The following CENPP variants were observed in gnomAD, a reference collection of about 807,000 sequenced individuals.
CENPP encodes centromere protein P.
CENPP carries 24 observed loss-of-function variants against 35.6 expected under a neutral mutation model. That is an observed-to-expected ratio of 0.67 (90% CI 0.49 to 0.95). CENPP has a LOEUF of 0.95. CENPP is among the 40% of genes least tolerant of loss of function. CENPP has a pLI of 0.00. For missense variants in CENPP, 332 were observed against 345.3 expected, an observed-to-expected ratio of 0.96 and a Z score of 0.31; for synonymous variants, 120 against 125.5, an observed-to-expected ratio of 0.96 and a Z score of 0.29.
chr9:92,326,272 C>A (rs1033154636), intron 1 of CENPP, among the ~76,000 whole-genome samples, 167 bp downstream of exon 1: 1 of 152,234 alleles, frequency 6.6e-6, no homozygotes, highest in South Asian at 2.1e-4. Flanking sequence ...GCAGCGCGTA[C>A]GGCGCCCAGC....
At chr9:92,529,624 C>G (rs977544023) in intron 5 of CENPP, among the ~76,000 whole-genome samples, 6 of 151,916 alleles carry the variant, frequency 3.9e-5, no homozygotes, top group African/African-American at 1.5e-4. Flanking sequence ...TTATTCAACA[C>G]CAAAAAGAAA....
chr9:92,367,574 C>G (rs960794491), intron 4 of CENPP, among the ~76,000 whole-genome samples: 3 of 152,066 alleles, frequency 2.0e-5, no homozygotes, highest in African/African-American at 7.2e-5. Flanking sequence ...TATGTTTCTT[C>G]TCACCTAAAA....
chr9:92,355,262 T>A (rs550019865), intron 4 of CENPP, among the ~76,000 whole-genome samples: 2 of 152,008 alleles, frequency 1.3e-5, no homozygotes, highest in Non-Finnish European at 2.9e-5. Flanking sequence ...ATTCCCAGAG[T>A]GGCTGTTTAT....
chr9:92,428,168 C>T (rs937984470), intron 5 of CENPP, among the ~76,000 whole-genome samples: 9 of 152,204 alleles, frequency 5.9e-5, no homozygotes, highest in African/African-American at 2.2e-4. Flanking sequence ...AGCAGAGGCT[C>T]CTGAATTCAT....
At chr9:92,376,410 C>G (rs961496216) in intron 4 of CENPP, among the ~76,000 whole-genome samples, 1 of 152,048 alleles carries the variant, frequency 6.6e-6, no homozygotes, top group Admixed American at 6.6e-5. Flanking sequence ...GTTCATTGTC[C>G]CACAGCCACG....
At chr9:92,367,553 C>A (rs1841916792) in intron 4 of CENPP, among the ~76,000 whole-genome samples, 1 of 152,142 alleles carries the variant, frequency 6.6e-6, no homozygotes, top group South Asian at 2.1e-4. Context: ...CTTGGTCCCA[C>A]AACTGTTTCT....
At chr9:92,508,075 G>T (rs1847111272) in intron 5 of CENPP, among the ~76,000 whole-genome samples, 2 of 152,208 alleles carry the variant, frequency 1.3e-5, no homozygotes, top group South Asian at 4.1e-4. Context: ...CCCCAAGAGA[G>T]ATGACGGGAG....
intron 5 of CENPP, among the ~76,000 whole-genome samples, chr9:92,424,935 C>G (rs1006099474): frequency 1.3e-5 from 2 of 152,184 alleles, no homozygotes; most frequent in African/African-American, 2.4e-5. Context: ...CTCCACCTCC[C>G]AAATTGCTGG....
chr9:92,602,023 A>G (rs769904375), intron 5 of CENPP, among the ~76,000 whole-genome samples: 3 of 152,200 alleles, frequency 2.0e-5, no homozygotes, highest in Non-Finnish European at 4.4e-5. Flanking sequence ...CTTTGATTCT[A>G]GAGCTGGGCA....
chr9:92,352,024 T>C (rs894294748), intron 4 of CENPP, among the ~76,000 whole-genome samples: 21 of 116,236 alleles, frequency 1.8e-4, no homozygotes, highest in African/African-American at 7.3e-4. Flanking sequence ...TTTCTTTTCC[T>C]TTTTTTTTTT....
intron 5 of CENPP, among the ~76,000 whole-genome samples, chr9:92,380,491 A>C (rs1039578360): frequency 7.1e-6 from 1 of 140,422 alleles, no homozygotes; most frequent in Non-Finnish European, 1.6e-5. Context: ...CAGGGTTCAG[A>C]TTCTCTCAAA....
At chr9:92,386,060 T>TTA (rs1258167807) in intron 5 of CENPP, 1 of 675,852 alleles carries the variant, frequency 1.5e-6, no homozygotes, top group East Asian at 2.7e-5. Context: ...ATTAATCTTT[T>TTA]TGATAGGCAG....
chr9:92,471,208 T>C (rs1039631295), intron 5 of CENPP, among the ~76,000 whole-genome samples: 4 of 151,712 alleles, frequency 2.6e-5, no homozygotes, highest in African/African-American at 9.7e-5. Flanking sequence ...TCTTTTTTTT[T>C]TTTTTTGAGA....
Position 92,615,772 on chromosome 9 carries a change from T to C in CENPP, c.*2623T>C, listed in dbSNP as rs1851409195. The C allele has an allele frequency of 7.3e-7, 1 of 1,373,788 alleles. No homozygotes were observed. Among genetic ancestry groups the C allele is most frequent in the East Asian group, 2.3e-5 (1 of 43,554 alleles). 85.1% of individuals were successfully genotyped at this position (1,373,788 alleles called of 1,614,324 possible). A position where few individuals can be genotyped will look rare whatever the true frequency, so the allele number is the denominator to read the frequency against. ...AAAGGTCACCCAACACAACAGAAAA[T>C]ATCTCTATCATTCAGCCTTCACATT... On this transcript the variant is annotated 3_prime_UTR_variant, in exon 8 of 8. Transcript: ENST00000375587.
intron 5 of CENPP, among the ~76,000 whole-genome samples, chr9:92,555,394 T>C (rs1849704328): frequency 6.6e-6 from 1 of 151,496 alleles, no homozygotes; most frequent in African/African-American, 2.4e-5. Context: ...GTCTGGCTGA[T>C]TTTTTTGTAT....
chr9:92,356,235 T>G lies in CENPP; in HGVS notation c.467+10448T>G, dbSNP rs559145518. ...TCTCTGTCACTCAACTAACCCCATC[T>G]CTTTCTCCAAAGGCAGCCACTATTC... On this transcript the variant is annotated intron_variant, in intron 4 of 7. Coordinates refer to ENST00000375587, the MANE Select transcript of CENPP (RefSeq NM_001012267.3). Among the ~76,000 whole-genome samples the G allele has an allele frequency of 2.0e-5, 3 of 152,332 alleles. No homozygotes were observed. The South Asian group carries it at 6.2e-4, about 32-fold the overall frequency.
intron 5 of CENPP, among the ~76,000 whole-genome samples, chr9:92,416,267 T>TTTTTCTA (rs1843609317): frequency 6.6e-6 from 1 of 151,606 alleles, no homozygotes; most frequent in African/African-American, 2.4e-5. Flanking sequence ...GCCTGGCTAA[T>TTTTTCTA]TTTTCTATTT....
At chr9:92,416,498 A>G (rs1843616576) in intron 5 of CENPP, 3 of 632,794 alleles carry the variant, frequency 4.7e-6, no homozygotes, top group Non-Finnish European at 2.6e-6. Context: ...CCATTCCCTT[A>G]AGCAACTTCA....
intron 5 of CENPP, among the ~76,000 whole-genome samples, chr9:92,402,459 C>T (rs562243415): frequency 6.6e-6 from 1 of 152,196 alleles, no homozygotes; most frequent in African/African-American, 2.4e-5. Flanking sequence ...TCTCATTTTC[C>T]AGTGTGTATG....
Sources: allele counts gnomAD v4.1 joint callset (sites outside exome capture counted in the v4.1 genomes callset), GRCh38; gene constraint gnomAD v4.1.1; transcripts MANE v1.5; gene names NCBI Gene and HGNC (gene_info 2026-07-23, HGNC 2026-07-21).